Variants in SPON1 observed in about 807,000 individuals in gnomAD.
SPON1 encodes spondin-1.
SPON1 carries 52 observed loss-of-function variants against 111.7 expected under a neutral mutation model. The ratio of observed to expected loss-of-function variants is 0.47; its 90% CI spans 0.37 to 0.59. SPON1 has a LOEUF of 0.59. Among genes scored for constraint, SPON1 ranks in the 20% least tolerant of loss-of-function variants. SPON1 has a pLI of 0.00. For synonymous variants in SPON1, 410 were observed against 395.8 expected, an observed-to-expected ratio of 1.04 and a Z score of -0.43; for missense variants, 957 against 1,068.5, an observed-to-expected ratio of 0.90 and a Z score of 1.46.
At chr11:14,142,506 A>G (rs11023106) in intron 6 of SPON1, among the ~76,000 whole-genome samples, 60,430 of 152,112 alleles carry the variant, frequency 0.4, 12,277 homozygotes, top group East Asian at 0.55. Flanking sequence ...GGTATAAATT[A>G]AGCCTTCAAA....
At chr11:14,183,780 T>A (rs531933368) in intron 6 of SPON1, among the ~76,000 whole-genome samples, 2 of 125,594 alleles carry the variant, frequency 1.6e-5, no homozygotes, top group South Asian at 5.3e-4. Flanking sequence ...CAGATCTGAC[T>A]CTAAAGATAT....
At chr11:14,026,620 C>T (rs997645000) in intron 2 of SPON1, among the ~76,000 whole-genome samples, 2 of 152,228 alleles carry the variant, frequency 1.3e-5, no homozygotes, top group Admixed American at 6.5e-5. Context: ...GATCCCATGC[C>T]GATGTCTGCT....
intron 6 of SPON1, among the ~76,000 whole-genome samples, chr11:14,191,430 T>C (rs1160941449): frequency 6.6e-6 from 1 of 152,206 alleles, no homozygotes; most frequent in East Asian, 1.9e-4. Context: ...ACTCCTTAAA[T>C]GTAGAGTTGT....
chr11:14,173,875 GC>G (rs1848140464), intron 6 of SPON1, among the ~76,000 whole-genome samples: 1 of 149,360 alleles, frequency 6.7e-6, no homozygotes, highest in Non-Finnish European at 1.5e-5. Flanking sequence ...GGAGCACCTG[GC>G]CGTGTGAGGT....
intron 5 of SPON1, among the ~76,000 whole-genome samples, chr11:14,092,519 CCA>C (rs1554923519): frequency 6.6e-6 from 1 of 152,086 alleles, no homozygotes; most frequent in Admixed American, 6.5e-5. Context: ...TGCAGGTGGG[CCA>C]CATCTGCCGA....
Position 13,962,811 on chromosome 11 carries a change from G to GCCT in SPON1, c.-91_-89dup. The GCCT allele has an allele frequency of 8.4e-7, 1 of 1,193,050 alleles. No individual in the cohort carries two copies. The highest frequency in any genetic ancestry group is 1.1e-6 in the Non-Finnish European group (1 of 902,936). The allele number at this position is 1,193,050 out of a possible 1,614,324, so 73.9% of individuals were successfully genotyped here. A position where few individuals can be genotyped will look rare whatever the true frequency, so the allele number is the denominator to read the frequency against. On this transcript the variant is annotated 5_prime_UTR_variant, in exon 1 of 16. Coordinates refer to ENST00000576479, the MANE Select transcript of SPON1 (RefSeq NM_006108.4). ...GCTCCGAGCTCCCTCTCTCCGCCGC[G>GCCT]CCTCCGCCAGGTCGCGCCTTCGTCG...
At chr11:14,134,088 G>A (rs139258919) in intron 5 of SPON1, among the ~76,000 whole-genome samples, 2 of 150,036 alleles carry the variant, frequency 1.3e-5, no homozygotes. Flanking sequence ...AAAATAGGCA[G>A]TAATGGGGTG....
chr11:14,140,409 T>C (rs1554928635), intron 6 of SPON1, among the ~76,000 whole-genome samples: 1 of 152,210 alleles, frequency 6.6e-6, no homozygotes. Flanking sequence ...GTTTTGTTTT[T>C]TTGAGATGGA....
intron 6 of SPON1, among the ~76,000 whole-genome samples, chr11:14,196,133 C>T (rs1342406028): frequency 6.6e-6 from 1 of 152,014 alleles, no homozygotes; most frequent in Non-Finnish European, 1.5e-5. Context: ...AAAATTGAAG[C>T]CCATGAAGGA....
intron 6 of SPON1, among the ~76,000 whole-genome samples, chr11:14,195,187 T>G (rs1055475757): frequency 2.6e-5 from 4 of 152,236 alleles, no homozygotes; most frequent in African/African-American, 9.6e-5. Flanking sequence ...TTTCAACTTC[T>G]AAATTACACT....
chr11:14,163,768 T>G lies in SPON1; in HGVS notation c.825+28200T>G, dbSNP rs143709022. ...GCTACCATTCTTCATGCCCGTGCTG[T>G]GGTGGGAACCAAATGCTCCCATGGA... is the stretch of plus-strand genomic sequence containing the variant. On this transcript the variant is annotated intron_variant, in intron 6 of 15. Transcript: ENST00000576479. Among the ~76,000 whole-genome samples, 67 of 152,318 alleles carry G rather than the reference T, an allele frequency of 4.4e-4. No homozygotes were observed. The East Asian group carries it at 0.011, about 26-fold the overall frequency.
At chr11:14,076,682 T>C (rs1177826553) in intron 4 of SPON1, among the ~76,000 whole-genome samples, 2 of 152,224 alleles carry the variant, frequency 1.3e-5, no homozygotes, top group Non-Finnish European at 2.9e-5. Context: ...GTAGTTCTTA[T>C]CATTGCCTTT....
At chr11:14,198,828 T>A (rs549657202) in intron 6 of SPON1, among the ~76,000 whole-genome samples, 1 of 152,370 alleles carries the variant, frequency 6.6e-6, no homozygotes, top group South Asian at 2.1e-4. Context: ...ATTTACTTGC[T>A]ACATTTGCTT....
chr11:14,088,645 T>G (rs916041677), intron 5 of SPON1, among the ~76,000 whole-genome samples: 1 of 152,116 alleles, frequency 6.6e-6, no homozygotes, highest in Non-Finnish European at 1.5e-5. Flanking sequence ...CATTGTGGTG[T>G]TCTCTGTATT....
chr11:13,964,018 A>G (rs1554907803), intron 1 of SPON1, among the ~76,000 whole-genome samples: 1 of 152,130 alleles, frequency 6.6e-6, no homozygotes, highest in African/African-American at 2.4e-5. Flanking sequence ...TCGGGAGCTC[A>G]GGGAGGAGGT....
intron 6 of SPON1, among the ~76,000 whole-genome samples, chr11:14,170,877 G>A (rs11023125): frequency 0.19 from 29,460 of 152,038 alleles, 2,941 homozygotes; most frequent in Admixed American, 0.25. Context: ...TTTTTGATGT[G>A]CTGCTGGATT....
At chr11:14,223,136 G>A (rs540479862) in intron 6 of SPON1, among the ~76,000 whole-genome samples, 9 of 152,256 alleles carry the variant, frequency 5.9e-5, no homozygotes, top group South Asian at 2.1e-4. Context: ...AGGCTGAGGC[G>A]GGTGGATCAC....
chr11:14,006,236 C>T (rs186323351), intron 2 of SPON1, among the ~76,000 whole-genome samples: 10 of 152,218 alleles, frequency 6.6e-5, no homozygotes, highest in Admixed American at 3.3e-4. Flanking sequence ...TGCCCTTCCA[C>T]GCCAGTTTGG....
At chr11:14,002,623 C>T (rs1178329111) in intron 2 of SPON1, among the ~76,000 whole-genome samples, 1 of 152,040 alleles carries the variant, frequency 6.6e-6, no homozygotes, top group African/African-American at 2.4e-5. Context: ...AACACATATT[C>T]CTAGAGGAGA....
Sources: gnomAD v4.1 joint callset for allele counts (sites outside exome capture counted in the v4.1 genomes callset) on GRCh38, gnomAD v4.1.1 for gene constraint, MANE v1.5 for transcripts, NCBI Gene and HGNC (gene_info 2026-07-23, HGNC 2026-07-21) for gene names.